Variants in PLSCR2 observed in about 807,000 individuals in gnomAD.
The protein encoded by PLSCR2 is PL scramblase 2.
In PLSCR2, 18 loss-of-function variants were observed where a neutral mutation model predicts 25.3. That is an observed-to-expected ratio of 0.71 (90% CI 0.49 to 1.06). The LOEUF is 1.06. PLSCR2 is among the 50% of genes least tolerant of loss of function. The probability of loss-of-function intolerance (pLI) is 0.00; values close to 1 mark genes in which losing one functional copy is unlikely to be tolerated. For synonymous variants in PLSCR2, 88 were observed against 87.3 expected (o/e 1.01, Z -0.04); for missense variants, 243 against 269.5 (o/e 0.90, Z 0.69).
intron 1 of PLSCR2, among the ~76,000 whole-genome samples, chr3:146,481,777 TC>T (rs2043139650): frequency 6.6e-6 from 1 of 152,114 alleles, no homozygotes; most frequent in South Asian, 2.1e-4. Flanking sequence ...GTGAAGACAA[TC>T]CTAAGCAAAA....
At position 146,455,229 on chromosome 3, in the gene PLSCR2, G is replaced by A. The variant is rs1560020738; in HGVS notation, c.321+10C>T. On this transcript the variant is annotated intron_variant, in intron 4 of 6. Coordinates refer to ENST00000610787, the Ensembl canonical transcript of PLSCR2. ...TACTTTATGAAAAGCTCTAGTAATT[G>A]CTCACATACCTCCTGAAGGCAGCAG... The A allele has an allele frequency of 6.4e-7, 1 of 1,573,048 alleles. No individual in the cohort carries two copies. The highest frequency in any genetic ancestry group is 1.1e-5 in the South Asian group (1 of 90,204).
intron 2 of PLSCR2, among the ~76,000 whole-genome samples, chr3:146,424,700 G>A (rs1349217282): frequency 6.6e-6 from 1 of 152,068 alleles, no homozygotes; most frequent in African/African-American, 2.4e-5. Flanking sequence ...TTGTATGGCA[G>A]TCTGAGTAGT....
At chr3:146,484,749 T>A (rs1156813586) in intron 1 of PLSCR2, among the ~76,000 whole-genome samples, 1 of 152,072 alleles carries the variant, frequency 6.6e-6, no homozygotes, top group Admixed American at 6.6e-5. Flanking sequence ...CTGAGGGCTA[T>A]CATTTCCACC....
downstream of PLSCR2, among the ~76,000 whole-genome samples, chr3:146,437,658 TCTC>T (rs2039960294): frequency 2.0e-5 from 3 of 152,192 alleles, no homozygotes; most frequent in African/African-American, 7.2e-5. Flanking sequence ...TTGATTCTTC[TCTC>T]TTTTCTTCTT....
At chr3:146,473,302 T>C (rs1311591600) in intron 1 of PLSCR2, among the ~76,000 whole-genome samples, 1 of 124,316 alleles carries the variant, frequency 8.0e-6, no homozygotes, top group Non-Finnish European at 1.7e-5. Context: ...AAAAGTACTA[T>C]CTTTTTTTTT....
intron 6 of PLSCR2, among the ~76,000 whole-genome samples, chr3:146,446,524 T>C (rs1397396608): frequency 6.6e-6 from 1 of 152,140 alleles, no homozygotes; most frequent in African/African-American, 2.4e-5. Context: ...AGCGTCTCTG[T>C]GCTGAGCTGC....
At chr3:146,444,108 TTG>T (rs2040409926) in intron 6 of PLSCR2, among the ~76,000 whole-genome samples, 1 of 151,976 alleles carries the variant, frequency 6.6e-6, no homozygotes, top group African/African-American at 2.4e-5. Context: ...TTTTATTCCA[TTG>T]TGGTCAGAGG....
At chr3:146,467,773 T>C (rs943352311) in intron 1 of PLSCR2, among the ~76,000 whole-genome samples, 3 of 151,196 alleles carry the variant, frequency 2.0e-5, no homozygotes, top group South Asian at 2.1e-4. Context: ...GAGCGGAGAG[T>C]TGAAAAAAGT....
chr3:146,429,622 T>C (rs1038052209), downstream of PLSCR2, among the ~76,000 whole-genome samples: 1 of 149,972 alleles, frequency 6.7e-6, no homozygotes, highest in Admixed American at 6.7e-5. Context: ...AAAATTGGAA[T>C]TTATTTATTT....
intron 2 of PLSCR2, among the ~76,000 whole-genome samples, chr3:146,399,674 T>TTTCTTTCCTTCCTTCC (rs796307453): frequency 6.6e-6 from 1 of 151,558 alleles, no homozygotes; most frequent in South Asian, 2.1e-4. Flanking sequence ...AATTCTGGCC[T>TTTCTTTCCTTCCTTCC]TTCTTTCCTT....
intron 2 of PLSCR2, among the ~76,000 whole-genome samples, chr3:146,417,626 T>C (rs1481318195): frequency 2.6e-5 from 4 of 152,158 alleles, no homozygotes; most frequent in Non-Finnish European, 4.4e-5. Context: ...CTGCTAAATG[T>C]TTTCCAAAGT....
intron 1 of PLSCR2, among the ~76,000 whole-genome samples, chr3:146,493,484 A>G (rs1287154989): frequency 6.6e-6 from 1 of 152,216 alleles, no homozygotes; most frequent in Non-Finnish European, 1.5e-5. Context: ...AGCATATGCA[A>G]TTCACGAAAT....
At chr3:146,425,312 C>T (rs2039303379) in intron 2 of PLSCR2, among the ~76,000 whole-genome samples, 1 of 152,198 alleles carries the variant, frequency 6.6e-6, no homozygotes, top group African/African-American at 2.4e-5. Context: ...GAAAGTATAC[C>T]ATCCAAACGT....
downstream of PLSCR2, among the ~76,000 whole-genome samples, chr3:146,432,926 A>G (rs576583409): frequency 9.3e-4 from 141 of 152,266 alleles, no homozygotes; most frequent in African/African-American, 2.6e-3. Context: ...TTGATTGCAA[A>G]TAAATTTTTT....
chr3:146,473,386 C>T (rs1478166325), intron 1 of PLSCR2, among the ~76,000 whole-genome samples: 1 of 149,784 alleles, frequency 6.7e-6, no homozygotes, highest in Non-Finnish European at 1.5e-5. Context: ...CTCACTGCAG[C>T]AACCTCCACC....
At chr3:146,482,708 C>T (rs2043172331) in intron 1 of PLSCR2, among the ~76,000 whole-genome samples, 1 of 152,172 alleles carries the variant, frequency 6.6e-6, no homozygotes. Context: ...CCATTTGACC[C>T]AGCCATCCCA....
At position 146,412,742 on chromosome 3, in the gene PLSCR2, C is replaced by T. The variant is rs574412338; in HGVS notation, c.101-16821G>A. 2.0e-5 allele frequency among the ~76,000 whole-genome samples: 3 copies of T among 152,258 alleles called. No individual in the cohort carries two copies. The South Asian group carries it at 6.2e-4, about 32-fold the overall frequency. ...TTCTTATTCCTGACGCAGATAGCCCCTACTGCTGTGTCGTTCCCCTATTGG... is the reference window on the plus strand; with the variant it reads ...TTCTTATTCCTGACGCAGATAGCCCTTACTGCTGTGTCGTTCCCCTATTGG... On this transcript the variant is annotated intron_variant and NMD_transcript_variant, in intron 2 of 3. Coordinates refer to the PLSCR2 transcript ENST00000463633.
At chr3:146,403,020 A>G (rs1231626495) in intron 2 of PLSCR2, among the ~76,000 whole-genome samples, 2 of 152,172 alleles carry the variant, frequency 1.3e-5, no homozygotes, top group African/African-American at 4.8e-5. Context: ...TAAAAAGCAA[A>G]TGGGAGTATA....
chr3:146,466,161 T>C (rs574788482), intron 1 of PLSCR2, among the ~76,000 whole-genome samples: 1 of 152,304 alleles, frequency 6.6e-6, no homozygotes, highest in South Asian at 2.1e-4. Context: ...TTTTACAGTT[T>C]TGTTTGTTTG....
Sources: gnomAD v4.1 joint callset for allele counts (sites outside exome capture counted in the v4.1 genomes callset) on GRCh38, gnomAD v4.1.1 for gene constraint, MANE v1.5 for transcripts, NCBI Gene and HGNC (gene_info 2026-07-23, HGNC 2026-07-21) for gene names.